Variants in TNKS2 observed in about 807,000 individuals in gnomAD.
TNKS2 encodes tankyrase 2, also known as poly [ADP-ribose] polymerase tankyrase-2.
A neutral mutation model predicts 137.6 loss-of-function variants in TNKS2; 72 were observed. The observed-to-expected ratio is 0.52, with a 90% CI of 0.43 to 0.64. TNKS2 has a LOEUF of 0.64. Among genes scored for constraint, TNKS2 ranks in the 30% least tolerant of loss-of-function variants. TNKS2 has a pLI of 0.00. For missense variants in TNKS2, 1,049 were observed against 1,410.2 expected, an observed-to-expected ratio of 0.74 and a Z score of 4.10; for synonymous variants, 516 against 512.1, an observed-to-expected ratio of 1.01 and a Z score of -0.10.
chr10:91,842,513 C>A lies in TNKS2; in HGVS notation c.2059+122C>A. The stretch of plus-strand genomic sequence containing the variant: ...ATCAGGCCAAGCATGGTGGCTCACA[C>A]TTGTAATCCCAACACTTTATGAGGC... On this transcript the variant is annotated intron_variant, in intron 16 of 26. Coordinates refer to ENST00000371627, the MANE Select transcript of TNKS2 (RefSeq NM_025235.4). 10 of 832,524 alleles carry A rather than the reference C, an allele frequency of 1.2e-5. No individual in the cohort carries two copies. The Admixed American group carries it at 2.0e-4, about 17-fold the overall frequency. 51.6% of individuals were successfully genotyped at this position (832,524 alleles called of 1,614,324 possible).
At position 91,831,161 on chromosome 10, in the gene TNKS2, G is replaced by A. The variant is rs1392159165; in HGVS notation, c.1255G>A (p.Val419Met). The change falls in exon 11 of 27, where the codon GTG becomes ATG. Residue 419 changes from valine (V) to methionine (M), a missense_variant. Around this residue, in one of 6 missense-constraint regions of TNKS2, gnomAD observed 328 missense variants for 436.0 expected, o/e 0.75. Coordinates refer to ENST00000371627, the MANE Select transcript of TNKS2 (RefSeq NM_025235.4). ...EKAHNDVVEV[V>M]VKHEAKVNAL... Reference sequence around the variant, plus strand: ...AGCTCATAATGATGTTGTTGAAGTAGTGGTGAAACATGAAGCAAAGGTATA... The same window carrying A: ...AGCTCATAATGATGTTGTTGAAGTAATGGTGAAACATGAAGCAAAGGTATA... The A allele has an allele frequency of 6.2e-7, 1 of 1,614,008 alleles. No individual in the cohort carries two copies. The highest frequency in any genetic ancestry group is 8.5e-7 in the Non-Finnish European group (1 of 1,179,952).
intron 17 of TNKS2, among the ~76,000 whole-genome samples, 189 bp downstream of exon 17, chr10:91,845,217 ATTG>A (rs1842335134): frequency 1.3e-5 from 2 of 152,084 alleles, no homozygotes; most frequent in Non-Finnish European, 1.5e-5. Context: ...TATGCGGTGT[ATTG>A]TTGTTTGTTT....
intron 6 of TNKS2, among the ~76,000 whole-genome samples, chr10:91,821,057 A>G (rs1844873487): frequency 6.6e-6 from 1 of 151,828 alleles, no homozygotes; most frequent in African/African-American, 2.4e-5. Context: ...TATTTTTTTT[A>G]GACGGAGTCT....
intron 6 of TNKS2, among the ~76,000 whole-genome samples, chr10:91,821,441 A>G (rs867518189): frequency 7.2e-5 from 11 of 152,158 alleles, no homozygotes; most frequent in South Asian, 2.1e-4. Flanking sequence ...ATTCAAAAAT[A>G]GTAAGGAAAG....
Position 91,859,463 on chromosome 10 carries a change from G to T in TNKS2, c.3096G>T (p.Gly1032=). The T allele has an allele frequency of 1.3e-6, 2 of 1,586,488 alleles. No homozygotes were observed. The highest frequency in any genetic ancestry group is 1.4e-5 in the African/African-American group (1 of 73,564). The change falls in exon 25 of 27, where the codon GGG becomes GGT. Residue 1032 remains glycine, a splice_region_variant and synonymous_variant. Transcript: ENST00000371627. ...GTTACCCATCTATATGTGTTTCAGG[G>T]TCTCCTTTTGTGAATGCAATTATCC... The part of the protein sequence containing the change: ...NHANERMLFH[G]SPFVNAIIHK...
chr10:91,834,402 A>G (rs1184437011), intron 12 of TNKS2, among the ~76,000 whole-genome samples: 2 of 152,228 alleles, frequency 1.3e-5, no homozygotes, highest in African/African-American at 4.8e-5. Context: ...GCTTATTGAA[A>G]CATTTAGCAA....
chr10:91,813,989 A>G (rs980974380), intron 2 of TNKS2, among the ~76,000 whole-genome samples: 3 of 152,208 alleles, frequency 2.0e-5, no homozygotes, highest in Non-Finnish European at 2.9e-5. Context: ...ACTGGTTTAT[A>G]TATTTACTAT....
In TNKS2 at chr10:91,849,572, T is replaced by C. The variant is rs1842483261; in HGVS notation, c.2672T>C (p.Met891Thr). The change falls in exon 20 of 27, where the codon ATG (methionine) becomes ACG (threonine). Residue 891 changes from methionine to threonine, a missense_variant. Physicochemically the swap from Met to Thr is moderately conservative, Grantham distance 81. This residue lies in a region of TNKS2 where 208 missense variants were observed against 231.2 expected (regional missense o/e 0.90). Coordinates refer to ENST00000371627, the MANE Select transcript of TNKS2 (RefSeq NM_025235.4). Reference protein sequence around the residue: ...FVRNLGLEHLMDIFEREQITL... With the variant: ...FVRNLGLEHLTDIFEREQITL... ...AGGAATCTTGGACTTGAGCACCTAA[T>C]GGATATATTTGAGAGAGAACAGGTG... 1 of 1,611,650 alleles carries C rather than the reference T, an allele frequency of 6.2e-7. No homozygotes were observed. The highest frequency in any genetic ancestry group is 8.5e-7 in the Non-Finnish European group (1 of 1,179,070).
intron 21 of TNKS2, among the ~76,000 whole-genome samples, chr10:91,854,361 G>A (rs905653580): frequency 6.6e-6 from 1 of 152,188 alleles, no homozygotes; most frequent in African/African-American, 2.4e-5. Context: ...AACTTGTCAG[G>A]TCAAAAAGTA....
At chr10:91,828,142 T>C (rs1845124163) in intron 8 of TNKS2, 143 bp from the exon 9 acceptor site, 8 of 915,690 alleles carry the variant, frequency 8.7e-6, no homozygotes, top group African/African-American at 1.7e-5. Context: ...AGGGGTTAAA[T>C]TTGGAGAATA....
chr10:91,835,276 C>CTTTTTTTTTTTT (rs934593143), intron 12 of TNKS2, among the ~76,000 whole-genome samples: 2 of 141,396 alleles, frequency 1.4e-5, no homozygotes, highest in Admixed American at 7.3e-5. Flanking sequence ...GCCCATTTCT[C>CTTTTTTTTTTTT]TTTTTTTTCT....
chr10:91,817,046 C>G (rs1439557515), intron 2 of TNKS2, 88 bp from the exon 3 acceptor site: 1 of 852,516 alleles, frequency 1.2e-6, no homozygotes, highest in African/African-American at 1.7e-5. Context: ...TGAGACTTTG[C>G]TGGACCAGAC....
intron 8 of TNKS2, 71 bp from the exon 9 acceptor site, chr10:91,828,214 A>G: frequency 7.4e-7 from 1 of 1,360,084 alleles, no homozygotes; most frequent in Non-Finnish European, 9.7e-7. Context: ...CAAGGAAAAT[A>G]CTAGATGTCT....
chr10:91,798,884 C>T lies in TNKS2; in HGVS notation c.194C>T (p.Ala65Val), dbSNP rs1589633921. The T allele has an allele frequency of 1.5e-6, 2 of 1,374,170 alleles. No individual in the cohort carries two copies. Among genetic ancestry groups the T allele is most frequent in the African/African-American group, 1.5e-5 (1 of 66,286 alleles). The allele number at this position is 1,374,170 out of a possible 1,614,324, so 85.1% of individuals were successfully genotyped here. The change falls in exon 1 of 27, where the codon GCC (alanine) becomes GTC (valine). Residue 65 changes from alanine to valine, a missense_variant. Around this residue, in one of 6 missense-constraint regions of TNKS2, gnomAD observed 374 missense variants for 460.8 expected, o/e 0.81. Coordinates refer to ENST00000371627, the MANE Select transcript of TNKS2 (RefSeq NM_025235.4). The stretch of plus-strand genomic sequence containing the variant: ...AGGAAATCCACCCCGCTGCACTTCG[C>T]CGCAGGTAACCGGGGCCAGCGTCCC... The part of the protein sequence containing the change: ...AGRKSTPLHF[A>V]AGFGRKDVVE...
intron 1 of TNKS2, among the ~76,000 whole-genome samples, chr10:91,812,253 G>A (rs1321722042): frequency 1.3e-5 from 2 of 152,130 alleles, no homozygotes. Context: ...ACTCATTGGT[G>A]CTAGATCTGT....
At chr10:91,816,337 T>G (rs1292787802) in intron 2 of TNKS2, among the ~76,000 whole-genome samples, 2 of 152,202 alleles carry the variant, frequency 1.3e-5, no homozygotes. Flanking sequence ...GGATTTTAAC[T>G]TAAAATTCCG....
chr10:91,851,429 A>C, intron 21 of TNKS2, 93 bp downstream of exon 21: 13 of 894,762 alleles, frequency 1.5e-5, no homozygotes, highest in African/African-American at 1.9e-5. Context: ...ATATGAGAGA[A>C]TCTGTTTAAT....
intron 9 of TNKS2, among the ~76,000 whole-genome samples, 177 bp from the exon 10 acceptor site, chr10:91,830,746 A>C (rs1163889128): frequency 3.3e-5 from 5 of 152,246 alleles, no homozygotes; most frequent in Non-Finnish European, 7.3e-5. Context: ...TAGGATTTTC[A>C]GGTTCTGTCA....
At chr10:91,836,330 A>G (rs1842018035) in intron 12 of TNKS2, among the ~76,000 whole-genome samples, 1 of 151,678 alleles carries the variant, frequency 6.6e-6, no homozygotes, top group Non-Finnish European at 1.5e-5. Flanking sequence ...TTAGGGTTTA[A>G]TTTTTCATAC....
Sources: allele counts gnomAD v4.1 joint callset (sites outside exome capture counted in the v4.1 genomes callset), GRCh38; gene constraint gnomAD v4.1.1; regional missense constraint gnomAD v4.1.1; transcripts MANE v1.5; gene names NCBI Gene and HGNC (gene_info 2026-07-23, HGNC 2026-07-21).